KLHL1: variants seen among roughly 807,000 people sequenced by gnomAD.
KLHL1 encodes kelch-like protein 1.
A neutral mutation model predicts 77.7 loss-of-function variants in KLHL1; 47 were observed. That is an observed-to-expected ratio of 0.60 (90% confidence interval 0.48 to 0.77). KLHL1 has a LOEUF of 0.77. Ranked by LOEUF, KLHL1 falls within the 30% of genes least tolerant of loss-of-function variation. The pLI, the probability that KLHL1 is intolerant of heterozygous loss-of-function variation, is 0.00. For synonymous variants in KLHL1, 360 were observed against 325.2 expected, an observed-to-expected ratio of 1.11 and a Z score of -1.15; for missense variants, 925 against 910.8, an observed-to-expected ratio of 1.02 and a Z score of -0.20.
chr13:69,978,745 C>A (rs540076407), intron 1 of KLHL1, among the ~76,000 whole-genome samples: 1 of 152,092 alleles, frequency 6.6e-6, no homozygotes, highest in African/African-American at 2.4e-5. Flanking sequence ...CCTTGGCCCC[C>A]CAAAGTGCTG....
intron 1 of KLHL1, among the ~76,000 whole-genome samples, chr13:70,011,889 TG>T (rs751832191): frequency 2.6e-5 from 4 of 152,188 alleles, no homozygotes; most frequent in African/African-American, 4.8e-5. Context: ...AGATGTTTAA[TG>T]GACTTAAGAG....
At chr13:69,803,776 G>C (rs976896234) in intron 6 of KLHL1, among the ~76,000 whole-genome samples, 1 of 152,152 alleles carries the variant, frequency 6.6e-6, no homozygotes, top group Admixed American at 6.5e-5. Context: ...AAGAAGGAAT[G>C]CAAGTGGTCT....
intron 1 of KLHL1, among the ~76,000 whole-genome samples, chr13:70,041,056 A>G (rs1886367458): frequency 6.6e-6 from 1 of 152,108 alleles, no homozygotes; most frequent in Non-Finnish European, 1.5e-5. Flanking sequence ...TTTAGATATT[A>G]TATTTTTAAT....
At chr13:70,024,620 T>TTCTCTCTCTCTCTCTCTCTCTCTC (rs5804459) in intron 1 of KLHL1, among the ~76,000 whole-genome samples, 31 of 130,400 alleles carry the variant, frequency 2.4e-4, no homozygotes, top group African/African-American at 7.9e-4. Flanking sequence ...GAGAAAAGAT[T>TTCTCTCTCTCTCTCTCTCTCTCTC]TCTCTCTCTC....
At chr13:69,777,081 C>T (rs1344177861) in intron 7 of KLHL1, among the ~76,000 whole-genome samples, 1 of 151,942 alleles carries the variant, frequency 6.6e-6, no homozygotes, top group East Asian at 1.9e-4. Context: ...CCATGCTGTT[C>T]TCATGATAGT....
chr13:69,772,271 T>C (rs549377715), intron 7 of KLHL1, among the ~76,000 whole-genome samples: 286 of 152,040 alleles, frequency 1.9e-3, no homozygotes, highest in African/African-American at 6.4e-3. Flanking sequence ...ACATATTTTA[T>C]TTATAAATAT....
At chr13:69,814,080 G>A (rs1039055620) in intron 6 of KLHL1, among the ~76,000 whole-genome samples, 1 of 152,032 alleles carries the variant, frequency 6.6e-6, no homozygotes, top group Non-Finnish European at 1.5e-5. Context: ...AGAGACCCCT[G>A]AAATAAAACC....
chr13:69,996,115 C>A (rs1361255265), intron 1 of KLHL1, among the ~76,000 whole-genome samples: 1 of 151,964 alleles, frequency 6.6e-6, no homozygotes, highest in Non-Finnish European at 1.5e-5. Context: ...CCATCCTGGC[C>A]AACATGGTAA....
rs58892254 is a variant in KLHL1 at position 69,861,965 on chromosome 13, CAAAATAAAATAAAAT to C, written c.1227+20303_1227+20317del. Among the ~76,000 whole-genome samples, 922 of 123,332 alleles carry C rather than the reference CAAAATAAAATAAAAT, an allele frequency of 7.5e-3. 7 individuals carry two copies. The highest frequency in any genetic ancestry group is 0.012 in the South Asian group (42 of 3,502). The allele number at this position is 123,332 out of a possible 152,430, so 80.9% of individuals were successfully genotyped here. A position where few individuals can be genotyped will look rare whatever the true frequency, so the allele number is the denominator to read the frequency against. On this transcript the variant is annotated intron_variant, in intron 5 of 10. Transcript: ENST00000377844. ...GAGCAACAAGAGCGAAACTCCGTCT[CAAAATAAAATAAAAT>C]AAAATAAAATAAAATAAAATAAAAT...
At chr13:69,719,195 TGTGTGTGTGTGTGTGAGAGAGA>T (rs767719842) in intron 9 of KLHL1, among the ~76,000 whole-genome samples, 152 bp downstream of exon 9, 17 of 132,364 alleles carry the variant, frequency 1.3e-4, no homozygotes, top group South Asian at 1.2e-3. Flanking sequence ...TGTGTGTGTG[TGTGTGTGTGTGTGTGAGAGAGA>T]GAGAGAGAGA....
chr13:70,087,890 G>A (rs923760143), intron 1 of KLHL1, among the ~76,000 whole-genome samples: 8 of 152,066 alleles, frequency 5.3e-5, no homozygotes, highest in African/African-American at 1.7e-4. Context: ...GGACAGAGAG[G>A]GGAACAACAC....
intron 7 of KLHL1, among the ~76,000 whole-genome samples, chr13:69,754,003 ATT>A (rs35799069): frequency 8.7e-5 from 13 of 148,934 alleles, no homozygotes; most frequent in South Asian, 2.1e-4. Flanking sequence ...TGCCTGGCTA[ATT>A]TTTTTTTTTG....
At chr13:70,069,206 T>G (rs7990312) in intron 1 of KLHL1, among the ~76,000 whole-genome samples, 1,954 of 152,256 alleles carry the variant, frequency 0.013, 44 homozygotes, top group African/African-American at 0.04. Context: ...ATAGTGGTCC[T>G]GTATAATAAA....
At chr13:69,976,861 T>C (rs1469218331) in intron 1 of KLHL1, among the ~76,000 whole-genome samples, 1 of 152,104 alleles carries the variant, frequency 6.6e-6, no homozygotes, top group Non-Finnish European at 1.5e-5. Flanking sequence ...GAAATACAGA[T>C]AAATTAATTA....
chr13:69,997,490 C>T (rs1030382194), intron 1 of KLHL1, among the ~76,000 whole-genome samples: 4 of 151,044 alleles, frequency 2.6e-5, no homozygotes, highest in African/African-American at 7.3e-5. Flanking sequence ...CCACGGGAAA[C>T]CACCGCTTTC....
intron 8 of KLHL1, among the ~76,000 whole-genome samples, chr13:69,733,002 G>A (rs1873616951): frequency 1.3e-5 from 2 of 152,016 alleles, no homozygotes; most frequent in African/African-American, 2.4e-5. Flanking sequence ...CTATTATTGT[G>A]AGTTGATTAA....
chr13:69,953,261 T>C (rs1883767476), intron 3 of KLHL1, among the ~76,000 whole-genome samples: 1 of 149,360 alleles, frequency 6.7e-6, no homozygotes, highest in Non-Finnish European at 1.5e-5. Flanking sequence ...ATCATCTATG[T>C]AACTTCCTCA....
At chr13:69,751,783 T>C (rs1325404059) in intron 7 of KLHL1, among the ~76,000 whole-genome samples, 1 of 152,042 alleles carries the variant, frequency 6.6e-6, no homozygotes, top group African/African-American at 2.4e-5. Context: ...CTGGCTATGG[T>C]GTGGAAAAAT....
chr13:69,908,731 G>A (rs554747063), intron 4 of KLHL1, among the ~76,000 whole-genome samples: 57 of 151,094 alleles, frequency 3.8e-4, no homozygotes, highest in African/African-American at 1.2e-3. Context: ...AGAGAATACT[G>A]GTTTATATTA....
Sources: gnomAD v4.1 joint callset for allele counts (sites outside exome capture counted in the v4.1 genomes callset) on GRCh38, gnomAD v4.1.1 for gene constraint, MANE v1.5 for transcripts, NCBI Gene and HGNC (gene_info 2026-07-23, HGNC 2026-07-21) for gene names.